MYOM2: variants seen among roughly 807,000 people sequenced by gnomAD.
MYOM2 encodes myomesin-2.
A neutral mutation model predicts 187.6 loss-of-function variants in MYOM2; 254 were observed. The ratio of observed to expected loss-of-function variants is 1.35; its 90% CI spans 1.22 to 1.50. The LOEUF (loss-of-function observed/expected upper bound fraction) is 1.50, where lower values mean the gene tolerates loss of function less well. Among genes scored for constraint, MYOM2 ranks in the 40% most tolerant of loss-of-function variants. The pLI is 0.00. For missense variants in MYOM2, 2,796 were observed against 1,924.0 expected, an observed-to-expected ratio of 1.45 and a Z score of -8.48; for synonymous variants, 981 against 753.8, an observed-to-expected ratio of 1.30 and a Z score of -4.94.
At chr8:2,097,586 C>T (rs1340215547) in intron 18 of MYOM2, among the ~76,000 whole-genome samples, 1 of 152,164 alleles carries the variant, frequency 6.6e-6, no homozygotes, top group Non-Finnish European at 1.5e-5. Context: ...ACGATCTCGG[C>T]TCACTGCAAG....
At position 2,140,866 on chromosome 8, in the gene MYOM2, C is replaced by T; in HGVS notation, c.3944C>T (p.Ser1315Phe). The change falls in exon 33 of 37, where the codon TCC becomes TTC. Residue 1315 changes from serine (S) to phenylalanine (F), a missense_variant. Ser to Phe is a radical substitution (Grantham distance 155). Transcript: ENST00000262113. ...IFDGKDNHQR[S>F]LDLSGQAFDE... Reference sequence around the variant, plus strand: ...GATGGCAAAGACAACCATCAACGCTCCCTTGACCTGTCCGGACAAGGTAAG... The same window carrying T: ...GATGGCAAAGACAACCATCAACGCTTCCTTGACCTGTCCGGACAAGGTAAG... The T allele has an allele frequency of 6.2e-7, 1 of 1,613,810 alleles. No homozygotes were observed. The highest frequency in any genetic ancestry group is 8.5e-7 in the Non-Finnish European group (1 of 1,179,790).
At chr8:2,119,225 T>G (rs1471363435) in intron 28 of MYOM2, 2 of 152,276 alleles carry the variant, frequency 1.3e-5, no homozygotes, top group Non-Finnish European at 2.9e-5. Context: ...TTGGGAATGC[T>G]TGGCTGTGGA....
chr8:2,116,295 C>T lies in MYOM2; in HGVS notation c.3385+20C>T. The T allele has an allele frequency of 6.2e-7, 1 of 1,607,332 alleles. No individual in the cohort carries two copies. Among genetic ancestry groups the T allele is most frequent in the Non-Finnish European group, 8.5e-7 (1 of 1,176,296 alleles). On this transcript the variant is annotated intron_variant, in intron 27 of 36. Coordinates refer to ENST00000262113, the MANE Select transcript of MYOM2 (RefSeq NM_003970.4). ...AACAAGGTGAGTTTCCTCACTCTGA[C>T]CGGCTCCCCTGCCCCTAGCATAAAG...
chr8:2,096,406 C>A lies in MYOM2; in HGVS notation c.2285C>A (p.Ser762Tyr). 1 of 1,614,218 alleles carries A rather than the reference C, an allele frequency of 6.2e-7. No individual in the cohort carries two copies. The highest frequency in any genetic ancestry group is 2.2e-5 in the East Asian group (1 of 44,882). Reference protein sequence around the residue: ...VHHKNWHEVNSSPSKPTILTV... With the variant: ...VHHKNWHEVNYSPSKPTILTV... ...CATAAAAACTGGCACGAGGTCAATT[C>A]CTCACCCAGCAAACCGACAATCCTA... The change falls in exon 18 of 37, where the codon TCC becomes TAC. Residue 762 changes from serine (S) to tyrosine (Y), a missense_variant. By Grantham distance (144) the Ser-to-Tyr change is moderately radical. Coordinates refer to ENST00000262113, the MANE Select transcript of MYOM2 (RefSeq NM_003970.4).
intron 25 of MYOM2, among the ~76,000 whole-genome samples, chr8:2,110,864 A>G (rs569314344): frequency 3.3e-5 from 5 of 152,274 alleles, no homozygotes; most frequent in African/African-American, 1.2e-4. Flanking sequence ...GGATCATAGA[A>G]TTTTCTTCTC....
chr8:2,088,388 G>A lies in MYOM2; in HGVS notation c.1645-1620G>A, dbSNP rs141836495. Among the ~76,000 whole-genome samples, 611 of 152,338 alleles carry A rather than the reference G, an allele frequency of 4.0e-3. 5 individuals carry two copies. The highest frequency in any genetic ancestry group is 0.014 in the African/African-American group (585 of 41,578). On this transcript the variant is annotated intron_variant, in intron 14 of 36. Coordinates refer to ENST00000262113, the MANE Select transcript of MYOM2 (RefSeq NM_003970.4). ...AGGTGCAGTTGATCTCGTCACCCAG[G>A]TAGTGAGCACAGCACCCCATAGGTG...
chr8:2,123,889 G>C (rs1797543714), intron 30 of MYOM2, among the ~76,000 whole-genome samples: 1 of 152,234 alleles, frequency 6.6e-6, no homozygotes. Context: ...CAGAAGCCAA[G>C]CAACGCATTA....
intron 6 of MYOM2, among the ~76,000 whole-genome samples, chr8:2,064,910 G>C (rs1818967041): frequency 6.6e-6 from 1 of 152,218 alleles, no homozygotes; most frequent in Non-Finnish European, 1.5e-5. Flanking sequence ...ATTCATTGCA[G>C]TTCTCAAAAG....
At chr8:2,115,671 G>A (rs1211217707) in intron 25 of MYOM2, among the ~76,000 whole-genome samples, 2 of 152,164 alleles carry the variant, frequency 1.3e-5, no homozygotes, top group Non-Finnish European at 2.9e-5. Flanking sequence ...AATTTTATCT[G>A]CTTCACGTTA....
rs141901961 is a variant in MYOM2 at position 2,086,830 on chromosome 8, G to A, written c.1644+1440G>A. ...ACATGCTGGGGATTCCAGATTCCTC[G>A]ATGGCCATGCTTGTGCACAAGCCGT... On this transcript the variant is annotated intron_variant, in intron 14 of 36. Coordinates refer to ENST00000262113, the MANE Select transcript of MYOM2 (RefSeq NM_003970.4). 1.2e-3 allele frequency among the ~76,000 whole-genome samples: 186 copies of A among 152,286 alleles called. 1 individual carries two copies. Among genetic ancestry groups the A allele is most frequent in the African/African-American group, 3.2e-3 (131 of 41,568 alleles).
chr8:2,053,880 TC>T (rs1376253860), intron 3 of MYOM2, among the ~76,000 whole-genome samples: 1 of 152,216 alleles, frequency 6.6e-6, no homozygotes, highest in Non-Finnish European at 1.5e-5. Flanking sequence ...GTGCATGTCT[TC>T]CATGGGGAAG....
Position 2,078,906 on chromosome 8 carries a change from G to C in MYOM2, c.1435G>C (p.Asp479His). Residue 479 changes from aspartate (D) to histidine (H), a missense_variant, in exon 12 of 37, where the codon GAC (aspartate) becomes CAC (histidine). Physicochemically the swap from Asp to His is moderately conservative, Grantham distance 81. Coordinates refer to ENST00000262113, the MANE Select transcript of MYOM2 (RefSeq NM_003970.4). The stretch of plus-strand genomic sequence containing the variant: ...GGTCTCTGATGCGGTGGCTGCACTT[G>C]ACCCCTTGGACCTCAGAAGGTTACA... The part of the protein sequence containing the change: ...SRVSDAVAAL[D>H]PLDLRRLQAV... The C allele has an allele frequency of 6.2e-7, 1 of 1,613,924 alleles. No individual in the cohort carries two copies. Among genetic ancestry groups the C allele is most frequent in the Non-Finnish European group, 8.5e-7 (1 of 1,179,856 alleles).
At position 2,120,681 on chromosome 8, in the gene MYOM2, TA is replaced by T. The variant is rs1563069289; in HGVS notation, c.3454-2570del. On this transcript the variant is annotated intron_variant, in intron 28 of 36. Transcript: ENST00000262113. ...CTGTATATATATATATATATTATAT[TA>T]TATATAAATATATAATATATATATT... Among the ~76,000 whole-genome samples the T allele has an allele frequency of 2.7e-3, 52 of 19,470 alleles. 7 individuals carry two copies. In the South Asian group the frequency reaches 0.049, roughly 18 times the overall value. The allele number at this position is 19,470 out of a possible 152,430, so 12.8% of individuals were successfully genotyped here. A position where few individuals can be genotyped will look rare whatever the true frequency, so the allele number is the denominator to read the frequency against.
At chr8:2,117,254 A>T (rs900577560) in intron 27 of MYOM2, among the ~76,000 whole-genome samples, 1 of 151,672 alleles carries the variant, frequency 6.6e-6, no homozygotes, top group African/African-American at 2.4e-5. Context: ...ATTTATGTAT[A>T]TGAAAGAAGT....
intron 27 of MYOM2, among the ~76,000 whole-genome samples, chr8:2,116,789 G>A (rs903301339): frequency 2.0e-5 from 3 of 152,090 alleles, no homozygotes; most frequent in African/African-American, 7.2e-5. Flanking sequence ...ATGGAGTCTT[G>A]CTCTGTTGCC....
rs144486014 is a variant in MYOM2 at position 2,140,549 on chromosome 8, C to T, written c.3801-174C>T. On this transcript the variant is annotated intron_variant, in intron 32 of 36. Coordinates refer to ENST00000262113, the MANE Select transcript of MYOM2 (RefSeq NM_003970.4). ...GTATCATTTAATTTTAGAAAGTTTT[C>T]AGATCTGAGTTACTGATGTGGTCAA... is the stretch of plus-strand genomic sequence containing the variant. Among the ~76,000 whole-genome samples the T allele has an allele frequency of 3.3e-3, 500 of 152,272 alleles. 4 individuals are homozygous for T. Among genetic ancestry groups the T allele is most frequent in the African/African-American group, 0.011 (458 of 41,548 alleles).
intron 6 of MYOM2, among the ~76,000 whole-genome samples, chr8:2,066,461 G>A (rs1015070622): frequency 6.6e-5 from 10 of 152,182 alleles, no homozygotes; most frequent in South Asian, 2.1e-4. Context: ...GGGTGGGATC[G>A]TTGTAGAGGA....
intron 14 of MYOM2, among the ~76,000 whole-genome samples, chr8:2,086,657 G>A (rs1268798659): frequency 6.6e-6 from 1 of 152,274 alleles, no homozygotes; most frequent in East Asian, 1.9e-4. Flanking sequence ...GGCACCAGGG[G>A]GCTGGGTTGC....
chr8:2,137,831 AG>A (rs1221707174), intron 32 of MYOM2, among the ~76,000 whole-genome samples: 2 of 152,164 alleles, frequency 1.3e-5, no homozygotes, highest in African/African-American at 4.8e-5. Context: ...AAGTGCATCC[AG>A]GGGGATAAAG....
Sources: gnomAD v4.1 joint callset for allele counts (sites outside exome capture counted in the v4.1 genomes callset) on GRCh38, gnomAD v4.1.1 for gene constraint, MANE v1.5 for transcripts, NCBI Gene and HGNC (gene_info 2026-07-23, HGNC 2026-07-21) for gene names.